Variants in HEPH observed in about 807,000 individuals in gnomAD.
HEPH encodes hephaestin.
In HEPH, 69 loss-of-function variants were observed where a neutral mutation model predicts 80.8. The observed-to-expected ratio is 0.85, with a 90% CI of 0.70 to 1.04. HEPH has a LOEUF of 1.04. Among genes scored for constraint, HEPH ranks in the 50% least tolerant of loss-of-function variants. The pLI is 0.00. For synonymous variants in HEPH, 431 were observed against 322.8 expected, an observed-to-expected ratio of 1.34 and a Z score of -3.60; for missense variants, 1,115 against 891.3, an observed-to-expected ratio of 1.25 and a Z score of -3.20.
intron 15 of HEPH, among the ~76,000 whole-genome samples, chrX:66,230,483 T>A (rs2090081188): frequency 9.2e-6 from 1 of 108,565 alleles, no homozygotes; most frequent in African/African-American, 3.4e-5. Flanking sequence ...TGGTGTGAGA[T>A]GGTATCTCAT....
At chrX:66,231,456 G>A (rs2090137089) in intron 15 of HEPH, among the ~76,000 whole-genome samples, 5 of 106,544 alleles carry the variant, frequency 4.7e-5, no homozygotes, top group Admixed American at 4.1e-4. Flanking sequence ...ATTTCCTTGA[G>A]CAGTGGTTTG....
At chrX:66,250,930 C>A (rs2090979107) in intron 15 of HEPH, among the ~76,000 whole-genome samples, 1 of 112,268 alleles carries the variant, frequency 8.9e-6, no homozygotes, top group Non-Finnish European at 1.9e-5. Flanking sequence ...GTCACTTAGG[C>A]TGGAGTTTAG....
chrX:66,213,707 A>G (rs780214223), intron 15 of HEPH, among the ~76,000 whole-genome samples: 2 of 112,070 alleles, frequency 1.8e-5, no homozygotes, highest in African/African-American at 3.2e-5. Context: ...ATGAAATCAC[A>G]CTAGTGTAAC....
chrX:66,261,878 G>A (rs982184896), intron 19 of HEPH, among the ~76,000 whole-genome samples: 7 of 112,486 alleles, frequency 6.2e-5, no homozygotes, highest in Non-Finnish European at 1.3e-4. Context: ...TGTGTTGTAA[G>A]TACATAGAAC....
chrX:66,204,868 A>C (rs1296798095), intron 13 of HEPH, among the ~76,000 whole-genome samples: 1 of 112,233 alleles, frequency 8.9e-6, no homozygotes, highest in African/African-American at 3.2e-5. Context: ...TAAAAATATA[A>C]TATTAGTTGC....
chrX:66,244,336 C>A (rs2090720355), intron 15 of HEPH, among the ~76,000 whole-genome samples: 1 of 111,668 alleles, frequency 9.0e-6, no homozygotes, highest in Non-Finnish European at 1.9e-5. Flanking sequence ...TTTACATAAT[C>A]TGATATTTCT....
At chrX:66,232,735 T>TA (rs886635565) in intron 15 of HEPH, among the ~76,000 whole-genome samples, 1 of 111,319 alleles carries the variant, frequency 9.0e-6, no homozygotes, top group Non-Finnish European at 1.9e-5. Context: ...TTAAAATATA[T>TA]AAAAAATACA....
Position 66,170,714 on chromosome X carries a change from G to T in HEPH, c.144G>T (p.Thr48=), listed in dbSNP as rs764757642. Residue 48 remains threonine, a synonymous_variant, in exon 2 of 21, where the codon ACG becomes ACT. Transcript: ENST00000343002. ...NYAPKGRNVI[T]NQPLDSDIVA... is the part of the protein sequence containing the mutation. ...CTCCCAAGGGAAGAAATGTCATCACGAACCAGCCTCTGGACAGTGACATGT... is the reference window on the plus strand; with the variant it reads ...CTCCCAAGGGAAGAAATGTCATCACTAACCAGCCTCTGGACAGTGACATGT... 1 of 1,209,666 alleles carries T rather than the reference G, an allele frequency of 8.3e-7. No homozygotes were observed. Among genetic ancestry groups the T allele is most frequent in the South Asian group, 1.8e-5 (1 of 56,629 alleles).
chrX:66,247,119 T>G (rs1339407847), intron 15 of HEPH, among the ~76,000 whole-genome samples: 1 of 111,081 alleles, frequency 9.0e-6, no homozygotes, highest in Non-Finnish European at 1.9e-5. Context: ...TTTTTTAAAA[T>G]AGTTTAATTA....
intron 2 of HEPH, among the ~76,000 whole-genome samples, chrX:66,171,547 C>T (rs1156345735): frequency 8.9e-6 from 1 of 111,808 alleles, no homozygotes; most frequent in Non-Finnish European, 1.9e-5. Flanking sequence ...TTTTTTCTCT[C>T]CAAAGCTTTG....
At chrX:66,259,854 G>A (rs1413918877) in intron 18 of HEPH, among the ~76,000 whole-genome samples, 2 of 109,117 alleles carry the variant, frequency 1.8e-5, no homozygotes, top group African/African-American at 6.7e-5. Context: ...GACTACAAGC[G>A]CCTGCTACCA....
At position 66,180,198 on chromosome X, in the gene HEPH, C is replaced by T. The variant is rs765217932; in HGVS notation, c.625+6397C>T. On this transcript the variant is annotated intron_variant, in intron 4 of 20. Coordinates refer to ENST00000343002, the MANE Select transcript of HEPH (RefSeq NM_001367233.3). ...AAATTTTATTTTTGTTTCATAGATC[C>T]TGTGTGATTGATTTATGCCTTCAAG... is the stretch of plus-strand genomic sequence containing the variant. Among the ~76,000 whole-genome samples the T allele has an allele frequency of 1.9e-3, 206 of 109,359 alleles. 1 individual carries two copies. The highest frequency in any genetic ancestry group is 6.6e-3 in the African/African-American group (198 of 30,061). The allele number at this position is 109,359 out of a possible 115,157, so 95.0% of individuals were successfully genotyped here.
At chrX:66,162,916 C>T, upstream of HEPH, 1 of 1,117,588 alleles carries the variant, frequency 8.9e-7, no homozygotes, top group African/African-American at 1.8e-5. Context: ...CATACCTGTC[C>T]CCTTCCTATA....
rs1444895432 is a variant in HEPH, at chrX:66,203,536, G to A, written c.2250G>A (p.Arg750=). ...TAGAGTGGGACTATTGCCCTGACCG[G>A]AGCTGGGAACGGGAATGGCACAACC... ...EEVEWDYCPD[R]SWEREWHNQS... is the part of the protein sequence containing the mutation. The change falls in exon 13 of 21, where the codon CGG becomes CGA. Residue 750 remains arginine, a synonymous_variant. Transcript: ENST00000343002. 4 of 1,212,011 alleles carry A rather than the reference G, an allele frequency of 3.3e-6. No individual in the cohort carries two copies. Among genetic ancestry groups the A allele is most frequent in the Admixed American group, 2.2e-5 (1 of 46,092 alleles).
Position 66,172,509 on chromosome X carries a change from G to A in HEPH, c.322G>A (p.Gly108Arg). ...GGGGCCAGTGTTGCAGGCTGAAGTG[G>A]GGGATGTCATTCTTATTCACCTGAA... Reference protein sequence around the residue: ...FLGPVLQAEVGDVILIHLKNF... With the variant: ...FLGPVLQAEVRDVILIHLKNF... Residue 108 changes from glycine (G) to arginine (R), a missense_variant, in exon 3 of 21, where the codon GGG becomes AGG. Around this residue, in one of 3 missense-constraint regions of HEPH, gnomAD observed 391 missense variants for 343.6 expected, o/e 1.14. Transcript: ENST00000343002. The A allele has an allele frequency of 3.3e-6, 4 of 1,210,354 alleles. No individual in the cohort carries two copies. The highest frequency in any genetic ancestry group is 4.5e-6 in the Non-Finnish European group (4 of 894,752).
At chrX:66,201,927 G>T in intron 12 of HEPH, among the ~76,000 whole-genome samples, 1 of 112,392 alleles carries the variant, frequency 8.9e-6, no homozygotes, top group South Asian at 3.7e-4. Flanking sequence ...GGAAATAGAA[G>T]AAGTAGATGT....
chrX:66,264,370 T>C (rs1233286598), intron 20 of HEPH, among the ~76,000 whole-genome samples: 2 of 108,997 alleles, frequency 1.8e-5, no homozygotes, highest in Admixed American at 2.0e-4. Flanking sequence ...AGGGACAGTA[T>C]GAGACTAGTT....
At chrX:66,233,624 G>A (rs773326574) in intron 15 of HEPH, among the ~76,000 whole-genome samples, 78 of 110,312 alleles carry the variant, frequency 7.1e-4, no homozygotes, top group African/African-American at 2.4e-3. Context: ...AAAAATTTAA[G>A]TAACTCAGTG....
At chrX:66,190,791 A>G (rs138337584) in intron 6 of HEPH, among the ~76,000 whole-genome samples, 1,122 of 111,842 alleles carry the variant, frequency 0.01, 24 homozygotes, top group African/African-American at 0.034. Flanking sequence ...GTTTGACACA[A>G]TAGGGGACAG....
Sources: gnomAD v4.1 joint callset for allele counts (sites outside exome capture counted in the v4.1 genomes callset) on GRCh38, gnomAD v4.1.1 for gene constraint, gnomAD v4.1.1 regional missense constraint, MANE v1.5 for transcripts, NCBI Gene and HGNC (gene_info 2026-07-23, HGNC 2026-07-21) for gene names.